Variants in NDUFAF6 observed in about 807,000 individuals in gnomAD.
NDUFAF6 encodes NADH dehydrogenase (ubiquinone) complex I, assembly factor 6.
A neutral mutation model predicts 40.8 loss-of-function variants in NDUFAF6; 45 were observed. The observed-to-expected ratio is 1.10, with a 90% CI of 0.87 to 1.42. The LOEUF (loss-of-function observed/expected upper bound fraction) is 1.42. NDUFAF6 is among the 40% of genes most tolerant of loss of function. The pLI, the probability that NDUFAF6 is intolerant of heterozygous loss-of-function variation, is 0.00. For synonymous variants in NDUFAF6, 185 were observed against 155.9 expected, an observed-to-expected ratio of 1.19 and a Z score of -1.39; for missense variants, 435 against 418.5, an observed-to-expected ratio of 1.04 and a Z score of -0.34.
chr8:94,900,490 C>A (rs1374663375), intron 1 of NDUFAF6, among the ~76,000 whole-genome samples: 1 of 152,092 alleles, frequency 6.6e-6, no homozygotes, highest in Non-Finnish European at 1.5e-5. Flanking sequence ...AAAAGGAAGG[C>A]ATTGTAGATT....
chr8:94,915,885 T>G (rs1416683176), intron 1 of NDUFAF6, among the ~76,000 whole-genome samples: 2 of 152,172 alleles, frequency 1.3e-5, no homozygotes, highest in Non-Finnish European at 2.9e-5. Context: ...GTACCAGACC[T>G]TGTAGGATAG....
chr8:94,916,333 T>G (rs1819120714), intron 1 of NDUFAF6, among the ~76,000 whole-genome samples: 1 of 152,214 alleles, frequency 6.6e-6, no homozygotes, highest in Admixed American at 6.5e-5. Context: ...ACAAGAAATT[T>G]CCTGCAATAG....
chr8:94,940,910 C>T, intron 1 of NDUFAF6: 4 of 1,613,822 alleles, frequency 2.5e-6, no homozygotes, highest in Non-Finnish European at 2.5e-6. Context: ...ACTGACTTCA[C>T]CCACAAACAT....
downstream of NDUFAF6, among the ~76,000 whole-genome samples, chr8:95,117,852 C>A (rs535809062): frequency 1.8e-4 from 28 of 152,320 alleles, no homozygotes; most frequent in South Asian, 5.8e-3. Context: ...TGAGTCACTG[C>A]ATGGATATCA....
intron 2 of NDUFAF6, among the ~76,000 whole-genome samples, chr8:94,990,900 A>G (rs905124149): frequency 5.3e-5 from 8 of 152,224 alleles, no homozygotes; most frequent in African/African-American, 1.9e-4. Context: ...ATGCTCAGAC[A>G]ATAAGCCCTT....
chr8:95,117,823 A>G (rs1437134936), downstream of NDUFAF6, among the ~76,000 whole-genome samples: 1 of 152,230 alleles, frequency 6.6e-6, no homozygotes, highest in Non-Finnish European at 1.5e-5. Flanking sequence ...AGTTGTAAGA[A>G]CAAAGCAGCC....
At chr8:94,900,200 G>C (rs891480444) in intron 1 of NDUFAF6, among the ~76,000 whole-genome samples, 1 of 151,830 alleles carries the variant, frequency 6.6e-6, no homozygotes, top group African/African-American at 2.4e-5. Context: ...TTCAGGGCTG[G>C]CCTGGGGCCT....
intron 2 of NDUFAF6, among the ~76,000 whole-genome samples, chr8:94,946,694 C>G (rs13281572): frequency 1.8e-4 from 2 of 11,324 alleles, no homozygotes; most frequent in Admixed American, 2.4e-3. Flanking sequence ...AAGACCCTGT[C>G]TCAAAAAAAA....
chr8:95,028,314 C>G (rs1246006939), intron 1 of NDUFAF6, among the ~76,000 whole-genome samples: 1 of 152,176 alleles, frequency 6.6e-6, no homozygotes, highest in Non-Finnish European at 1.5e-5. Context: ...CGTAATATGG[C>G]ATTTCTCATT....
intron 2 of NDUFAF6, among the ~76,000 whole-genome samples, chr8:95,081,800 G>T (rs1808878741): frequency 6.6e-6 from 1 of 151,782 alleles, no homozygotes; most frequent in South Asian, 2.1e-4. Context: ...GGTGGCTCAC[G>T]CCTGTAATCC....
At chr8:95,034,010 T>G in intron 2 of NDUFAF6, 1 of 457,782 alleles carries the variant, frequency 2.2e-6, no homozygotes, top group Non-Finnish European at 4.4e-6. Flanking sequence ...TTTGAAAGGA[T>G]TACTCTTGCT....
intron 1 of NDUFAF6, among the ~76,000 whole-genome samples, chr8:94,931,275 A>G (rs890356037): frequency 2.0e-5 from 3 of 152,166 alleles, no homozygotes; most frequent in African/African-American, 7.2e-5. Context: ...AATTCTACTC[A>G]TTTGCCATTT....
chr8:95,032,943 CT>C (rs1037936513), intron 2 of NDUFAF6, among the ~76,000 whole-genome samples: 18 of 152,270 alleles, frequency 1.2e-4, no homozygotes, highest in African/African-American at 4.1e-4. Context: ...TCACCTCATC[CT>C]TTTTCAAGTG....
chr8:94,931,047 G>T (rs146472525), intron 1 of NDUFAF6, among the ~76,000 whole-genome samples: 5 of 152,158 alleles, frequency 3.3e-5, no homozygotes, highest in Non-Finnish European at 4.4e-5. Flanking sequence ...TCTGGGAGGG[G>T]AGCTAACATT....
At position 95,025,226 on chromosome 8, in the gene NDUFAF6, C is replaced by A. The variant is rs1020284493; in HGVS notation, c.197+21C>A. The A allele has an allele frequency of 8.7e-6, 12 of 1,386,594 alleles. 1 individual carries two copies. The highest frequency in any genetic ancestry group is 6.1e-5 in the East Asian group (2 of 32,874). 85.9% of individuals were successfully genotyped at this position (1,386,594 alleles called of 1,614,324 possible). Reference sequence around the variant, plus strand: ...CTGCGGTGAGCGAGCACGACCTTCCCTGGCGCGGCGGGAAGCGGGGTCCCG... The same window carrying A: ...CTGCGGTGAGCGAGCACGACCTTCCATGGCGCGGCGGGAAGCGGGGTCCCG... On this transcript the variant is annotated intron_variant, in intron 1 of 8. Transcript: ENST00000396124.
intron 1 of NDUFAF6, among the ~76,000 whole-genome samples, chr8:94,918,734 T>C (rs1036348311): frequency 6.6e-6 from 1 of 152,160 alleles, no homozygotes; most frequent in African/African-American, 2.4e-5. Flanking sequence ...CCTCTTCCCC[T>C]GCACCCCAAT....
Position 95,016,664 on chromosome 8 carries a change from C to T in NDUFAF6, c.-83-15331C>T, listed in dbSNP as rs192271508. Among the ~76,000 whole-genome samples, 1,205 of 152,272 alleles carry T rather than the reference C, an allele frequency of 7.9e-3. 7 individuals are homozygous for T. Among genetic ancestry groups the T allele is most frequent in the Middle Eastern group, 0.017 (5 of 294 alleles). ...GGCTGAGGCAGGAAAATCACTTGAA[C>T]CCGGCAGGTGGAGGTTGCAGTGAGC... On this transcript the variant is annotated intron_variant, in intron 2 of 9. Coordinates refer to the NDUFAF6 transcript ENST00000396111.
chr8:95,030,912 G>T (rs1828750389), intron 1 of NDUFAF6, among the ~76,000 whole-genome samples: 1 of 152,240 alleles, frequency 6.6e-6, no homozygotes, highest in African/African-American at 2.4e-5. Flanking sequence ...GGGAGCAGGT[G>T]TATCACATGG....
intron 1 of NDUFAF6, among the ~76,000 whole-genome samples, chr8:94,908,661 C>T (rs1294173487): frequency 2.0e-5 from 3 of 152,186 alleles, no homozygotes; most frequent in African/African-American, 7.2e-5. Context: ...TGAGCCACCG[C>T]TCGTGGCCTA....
Sources: gnomAD v4.1 joint callset for allele counts (sites outside exome capture counted in the v4.1 genomes callset) on GRCh38, gnomAD v4.1.1 for gene constraint, MANE v1.5 for transcripts, NCBI Gene and HGNC (gene_info 2026-07-23, HGNC 2026-07-21) for gene names.